The following TAFA1 variants were observed in gnomAD, a reference collection of about 807,000 sequenced individuals.
The protein encoded by TAFA1 is chemokine-like protein TAFA-1.
Under a neutral mutation model 18.5 loss-of-function variants are expected in TAFA1, and 4 were observed. The observed-to-expected ratio is 0.22, with a 90% CI of 0.11 to 0.49. The LOEUF is 0.49. TAFA1 is among the 20% of genes least tolerant of loss of function. The pLI is 0.98. For missense variants in TAFA1, 147 were observed against 169.0 expected, an observed-to-expected ratio of 0.87 and a Z score of 0.72; for synonymous variants, 56 against 55.2, an observed-to-expected ratio of 1.01 and a Z score of -0.06.
intron 2 of TAFA1, among the ~76,000 whole-genome samples, chr3:68,234,324 C>T (rs555461780): frequency 6.9e-4 from 105 of 152,276 alleles, no homozygotes; most frequent in Non-Finnish European, 1.1e-3. Flanking sequence ...GCTTCTATGG[C>T]AGCTTTCCAA....
chr3:68,515,162 G>C (rs879877948), intron 3 of TAFA1, among the ~76,000 whole-genome samples: 4 of 152,058 alleles, frequency 2.6e-5, no homozygotes, highest in Admixed American at 2.6e-4. Context: ...GGTAGTGTCA[G>C]GGCTGTAGGA....
chr3:68,526,680 T>A (rs1450228042), intron 3 of TAFA1, among the ~76,000 whole-genome samples: 1 of 152,156 alleles, frequency 6.6e-6, no homozygotes, highest in Non-Finnish European at 1.5e-5. Flanking sequence ...ATGTACTTTT[T>A]AAAACTGGGG....
At chr3:68,537,207 G>A (rs1575961360) in intron 3 of TAFA1, among the ~76,000 whole-genome samples, 1 of 152,092 alleles carries the variant, frequency 6.6e-6, no homozygotes, top group Non-Finnish European at 1.5e-5. Flanking sequence ...AGTGTAGGGG[G>A]CAAAGAAAAA....
intron 2 of TAFA1, among the ~76,000 whole-genome samples, chr3:68,055,007 AG>A (rs1559719214): frequency 6.6e-6 from 1 of 152,050 alleles, no homozygotes; most frequent in African/African-American, 2.4e-5. Context: ...GCCTTGGTTT[AG>A]GGTCTCCCAC....
At chr3:68,538,444 G>T (rs1298244776) in intron 3 of TAFA1, among the ~76,000 whole-genome samples, 1 of 152,148 alleles carries the variant, frequency 6.6e-6, no homozygotes, top group African/African-American at 2.4e-5. Flanking sequence ...AATGACCAAA[G>T]ATAGCTTGGA....
chr3:68,120,167 CTTTCTCTTTCTTTCTTTCTTTCTTTCT>C (rs1559527463), intron 2 of TAFA1, among the ~76,000 whole-genome samples: 1 of 147,464 alleles, frequency 6.8e-6, no homozygotes, highest in African/African-American at 2.6e-5. Context: ...CTTTCTCTTT[CTTTCTCTTTCTTTCTTTCTTTCTTTCT>C]TTCTTTCTTT....
chr3:68,370,490 A>ACG (rs2069680254), intron 2 of TAFA1, among the ~76,000 whole-genome samples: 19 of 93,000 alleles, frequency 2.0e-4, no homozygotes, highest in Non-Finnish European at 2.6e-4. Flanking sequence ...ATATATATAT[A>ACG]TATATATATA....
intron 2 of TAFA1, among the ~76,000 whole-genome samples, chr3:68,312,562 A>G (rs113530099): frequency 0.026 from 3,939 of 152,056 alleles, 91 homozygotes; most frequent in East Asian, 0.098. Flanking sequence ...CATAGGAAGA[A>G]TCATCTTTAC....
intron 2 of TAFA1, among the ~76,000 whole-genome samples, chr3:68,392,941 A>G (rs545114252): frequency 6.6e-6 from 1 of 152,318 alleles, no homozygotes; most frequent in African/African-American, 2.4e-5. Flanking sequence ...GTCACAATTA[A>G]AAGAACTAGA....
chr3:68,107,343 A>T (rs936195829), intron 2 of TAFA1, among the ~76,000 whole-genome samples: 1 of 152,168 alleles, frequency 6.6e-6, no homozygotes, highest in Non-Finnish European at 1.5e-5. Context: ...ATTAATGTTA[A>T]TAGCAGTTTT....
At chr3:68,055,346 T>C (rs1207574571) in intron 2 of TAFA1, among the ~76,000 whole-genome samples, 1 of 152,118 alleles carries the variant, frequency 6.6e-6, no homozygotes, top group Middle Eastern at 3.2e-3. Context: ...TTGTTTGCCT[T>C]GTATGGTGAA....
At chr3:68,346,763 G>A (rs768742920) in intron 2 of TAFA1, among the ~76,000 whole-genome samples, 3 of 152,178 alleles carry the variant, frequency 2.0e-5, no homozygotes, top group Non-Finnish European at 4.4e-5. Context: ...TTTCTGTCTA[G>A]AGTTGTTCCA....
intron 2 of TAFA1, among the ~76,000 whole-genome samples, chr3:68,072,591 T>C (rs1356665679): frequency 1.3e-5 from 2 of 152,168 alleles, no homozygotes; most frequent in African/African-American, 2.4e-5. Flanking sequence ...GGAGATAAAA[T>C]AGGCACGTCC....
chr3:68,414,071 G>A (rs1399057065), intron 2 of TAFA1, among the ~76,000 whole-genome samples: 5 of 152,102 alleles, frequency 3.3e-5, no homozygotes, highest in Non-Finnish European at 7.4e-5. Flanking sequence ...CTGGGAGGCC[G>A]AGACGGGTGG....
intron 3 of TAFA1, among the ~76,000 whole-genome samples, chr3:68,484,608 T>C (rs2072303367): frequency 6.6e-6 from 1 of 152,168 alleles, no homozygotes; most frequent in Non-Finnish European, 1.5e-5. Flanking sequence ...AGAAGCAGAA[T>C]GAGGAGTTTG....
chr3:68,333,445 C>T (rs1044581470), intron 2 of TAFA1, among the ~76,000 whole-genome samples: 5 of 152,136 alleles, frequency 3.3e-5, no homozygotes, highest in African/African-American at 1.2e-4. Context: ...CATATGAACA[C>T]AAGGGAACAT....
intron 2 of TAFA1, among the ~76,000 whole-genome samples, chr3:68,336,497 C>T (rs758732140): frequency 1.3e-5 from 2 of 152,212 alleles, no homozygotes; most frequent in African/African-American, 4.8e-5. Context: ...ACCATCAGAT[C>T]TGTGAGAAAA....
intron 2 of TAFA1, among the ~76,000 whole-genome samples, chr3:68,371,383 C>T (rs1480033535): frequency 3.3e-5 from 5 of 152,124 alleles, no homozygotes; most frequent in African/African-American, 7.2e-5. Flanking sequence ...CCCTTGCCCC[C>T]AACCCCCAAC....
chr3:68,362,325 C>A (rs1415700313), intron 2 of TAFA1, among the ~76,000 whole-genome samples: 5 of 152,100 alleles, frequency 3.3e-5, no homozygotes, highest in African/African-American at 1.2e-4. Flanking sequence ...TCATTATTCA[C>A]TTTGCTCCTA....
Sources: gnomAD v4.1 joint callset for allele counts (sites outside exome capture counted in the v4.1 genomes callset) on GRCh38, gnomAD v4.1.1 for gene constraint, MANE v1.5 for transcripts, NCBI Gene and HGNC (gene_info 2026-07-23, HGNC 2026-07-21) for gene names.